ITGA8: variants seen among roughly 807,000 people sequenced by gnomAD.
The protein encoded by ITGA8 is integrin subunit alpha 8.
In ITGA8, 91 loss-of-function variants were observed where a neutral mutation model predicts 142.3. The observed-to-expected ratio is 0.64, with a 90% CI of 0.54 to 0.76. The LOEUF (loss-of-function observed/expected upper bound fraction) is 0.76. Ranked by LOEUF, ITGA8 falls within the 30% of genes least tolerant of loss-of-function variation. The pLI is 0.00. For synonymous variants in ITGA8, 505 were observed against 485.2 expected (o/e 1.04, Z -0.54); for missense variants, 1,406 against 1,327.7 (o/e 1.06, Z -0.92).
intron 23 of ITGA8, among the ~76,000 whole-genome samples, chr10:15,577,953 A>T (rs183259697): frequency 2.0e-5 from 3 of 152,292 alleles, no homozygotes; most frequent in African/African-American, 4.8e-5. Flanking sequence ...TAGTTTTTTT[A>T]AAATTAAACC....
At chr10:15,647,655 G>C (rs1008684122) in intron 11 of ITGA8, among the ~76,000 whole-genome samples, 2 of 150,486 alleles carry the variant, frequency 1.3e-5, no homozygotes, top group African/African-American at 4.9e-5. Flanking sequence ...GTAGAGACGG[G>C]GTTTCACCTT....
intron 2 of ITGA8, among the ~76,000 whole-genome samples, chr10:15,698,158 T>C (rs959732277): frequency 9.9e-5 from 15 of 152,220 alleles, no homozygotes; most frequent in African/African-American, 3.6e-4. Flanking sequence ...GAACATACAA[T>C]GTTTGGTTTT....
At chr10:15,529,396 G>A (rs781716075) in intron 28 of ITGA8, among the ~76,000 whole-genome samples, 8 of 152,210 alleles carry the variant, frequency 5.3e-5, no homozygotes, top group Non-Finnish European at 1.2e-4. Context: ...GACTGTCTCA[G>A]AGAGGTAAAG....
intron 27 of ITGA8, among the ~76,000 whole-genome samples, chr10:15,532,818 T>C (rs1199535586): frequency 6.6e-6 from 1 of 152,174 alleles, no homozygotes; most frequent in Non-Finnish European, 1.5e-5. Flanking sequence ...TAAACTTAAG[T>C]AAATTATATT....
At chr10:15,681,424 A>G (rs1232734083) in intron 4 of ITGA8, among the ~76,000 whole-genome samples, 1 of 152,214 alleles carries the variant, frequency 6.6e-6, no homozygotes, top group Non-Finnish European at 1.5e-5. Context: ...CAATTTATTG[A>G]GCTATTCTGC....
rs201629498 is a variant in ITGA8, at chr10:15,517,219, G to C, written c.3131C>G (p.Pro1044Arg). 6.2e-7 allele frequency: 1 copy of C among 1,612,838 alleles called. No homozygotes were observed. The highest frequency in any genetic ancestry group is 1.3e-5 in the African/African-American group (1 of 74,822). ...WKCGFFDRAR[P>R]PQEDMTDREQ... ...CCTGTCGGTCATGTCCTCCTGAGGA[G>C]GTCTGGCTCTGTCAAAGAATCCACA... Residue 1044 changes from proline (P) to arginine (R), a missense_variant, in exon 30 of 30, where the codon CCT becomes CGT. By Grantham distance (103) the Pro-to-Arg change is moderately radical. Coordinates refer to ENST00000378076, the MANE Select transcript of ITGA8 (RefSeq NM_003638.3).
chr10:15,637,355 T>C (rs1186497438), intron 13 of ITGA8, among the ~76,000 whole-genome samples: 1 of 152,022 alleles, frequency 6.6e-6, no homozygotes, highest in Non-Finnish European at 1.5e-5. Context: ...CACAACCCAG[T>C]GAAGTAGGTA....
At chr10:15,655,652 T>C (rs920953285) in intron 10 of ITGA8, among the ~76,000 whole-genome samples, 6 of 152,166 alleles carry the variant, frequency 3.9e-5, no homozygotes, top group African/African-American at 1.2e-4. Context: ...AATCAGCCCA[T>C]TTAATCTGTG....
intron 2 of ITGA8, among the ~76,000 whole-genome samples, chr10:15,704,810 C>A (rs1044514074): frequency 2.0e-5 from 3 of 152,172 alleles, no homozygotes; most frequent in Non-Finnish European, 4.4e-5. Context: ...CTTTTAAATA[C>A]AGGATAGGAT....
chr10:15,702,696 C>A (rs1012883643), intron 2 of ITGA8, among the ~76,000 whole-genome samples: 4 of 152,180 alleles, frequency 2.6e-5, no homozygotes, highest in Non-Finnish European at 5.9e-5. Flanking sequence ...CATTCCATGG[C>A]CTTCTTTCAG....
intron 26 of ITGA8, among the ~76,000 whole-genome samples, chr10:15,557,076 A>C (rs1564350348): frequency 6.6e-6 from 1 of 152,190 alleles, no homozygotes; most frequent in Non-Finnish European, 1.5e-5. Flanking sequence ...GAGTGGGAGA[A>C]TAGAATCAAA....
At chr10:15,558,019 G>T (rs908662081) in intron 26 of ITGA8, 55 bp downstream of exon 26, 1 of 1,598,376 alleles carries the variant, frequency 6.3e-7, no homozygotes, top group Non-Finnish European at 8.6e-7. Flanking sequence ...TGTATTTGAG[G>T]GTTCTATCCA....
At chr10:15,590,719 A>G (rs1832907981) in intron 22 of ITGA8, among the ~76,000 whole-genome samples, 3 of 152,228 alleles carry the variant, frequency 2.0e-5, no homozygotes, top group South Asian at 4.1e-4. Flanking sequence ...AACCTTTGAT[A>G]TATTTTTACA....
At chr10:15,546,046 G>A (rs1358482778) in intron 27 of ITGA8, among the ~76,000 whole-genome samples, 1 of 152,162 alleles carries the variant, frequency 6.6e-6, no homozygotes, top group Non-Finnish European at 1.5e-5. Context: ...CCTTTGCACA[G>A]CTCGTTGTAT....
intron 27 of ITGA8, among the ~76,000 whole-genome samples, chr10:15,532,428 A>AGAAAAAAAAAAG (rs1217515117): frequency 6.8e-6 from 1 of 147,194 alleles, no homozygotes; most frequent in Non-Finnish European, 1.5e-5. Flanking sequence ...CAAAAAAAAA[A>AGAAAAAAAAAAG]AAAAAAAAAA....
At chr10:15,712,452 C>G (rs1437297298) in intron 2 of ITGA8, among the ~76,000 whole-genome samples, 1 of 151,972 alleles carries the variant, frequency 6.6e-6, no homozygotes, top group Non-Finnish European at 1.5e-5. Context: ...AATCACACAA[C>G]TAGCTGGGCA....
intron 4 of ITGA8, among the ~76,000 whole-genome samples, chr10:15,683,309 C>G (rs1177746356): frequency 6.5e-5 from 1 of 15,372 alleles, no homozygotes; most frequent in African/African-American, 1.4e-4. Context: ...ATCCACCCAC[C>G]CACCCACCCA....
intron 13 of ITGA8, among the ~76,000 whole-genome samples, chr10:15,618,387 A>G (rs567925614): frequency 1.3e-5 from 2 of 152,258 alleles, no homozygotes; most frequent in African/African-American, 2.4e-5. Flanking sequence ...TGGCCACTCC[A>G]TATGGAAAAC....
intron 27 of ITGA8, among the ~76,000 whole-genome samples, chr10:15,535,920 T>G (rs1023063852): frequency 1.3e-5 from 2 of 152,026 alleles, no homozygotes; most frequent in Admixed American, 6.6e-5. Context: ...GCTTCACTCC[T>G]GAAGCCAACC....
Sources: allele counts gnomAD v4.1 joint callset (sites outside exome capture counted in the v4.1 genomes callset), GRCh38; gene constraint gnomAD v4.1.1; transcripts MANE v1.5; gene names NCBI Gene and HGNC (gene_info 2026-07-23, HGNC 2026-07-21).